NAA11: variants seen among roughly 807,000 people sequenced by gnomAD.
NAA11 encodes the protein N-alpha-acetyltransferase 11.
A neutral mutation model predicts 16.1 loss-of-function variants in NAA11; 15 were observed. The observed-to-expected ratio is 0.93, with a 90% CI of 0.62 to 1.44. NAA11 has a LOEUF of 1.44. Ranked by LOEUF, NAA11 falls within the 40% of genes most tolerant of loss-of-function variation. The pLI, the probability that NAA11 is intolerant of heterozygous loss-of-function variation, is 0.00. For missense variants in NAA11, 298 were observed against 291.3 expected, an observed-to-expected ratio of 1.02 and a Z score of -0.17; for synonymous variants, 122 against 112.4, an observed-to-expected ratio of 1.09 and a Z score of -0.54.
intron 2 of NAA11, among the ~76,000 whole-genome samples, chr4:79,243,958 A>C (rs1164014369): frequency 2.0e-5 from 3 of 152,160 alleles, no homozygotes; most frequent in Admixed American, 6.5e-5. Context: ...TACCCTTGGG[A>C]ATTGAGCATG....
rs1722113513 is a variant in NAA11 at position 79,256,651 on chromosome 4, A to ATATATATATATATATATATATAT, written c.*123-30382_*123-30381insATATATATATATATATATATATA. On this transcript the variant is annotated intron_variant and NMD_transcript_variant, in intron 2 of 2. Coordinates refer to the NAA11 transcript ENST00000511542. The stretch of plus-strand genomic sequence containing the variant: ...AATGAACCATATATATATAAATATA[A>ATATATATATATATATATATATAT]ATATATATATATATATATTGACACG... Among the ~76,000 whole-genome samples the ATATATATATATATATATATATAT allele has an allele frequency of 2.5e-4, 33 of 130,728 alleles. 1 individual carries two copies. The highest frequency in any genetic ancestry group is 1.0e-3 in the African/African-American group (33 of 32,568). 85.8% of individuals were successfully genotyped at this position (130,728 alleles called of 152,430 possible). A position where few individuals can be genotyped will look rare whatever the true frequency, so the allele number is the denominator to read the frequency against.
At chr4:79,314,401 T>C (rs936573745), downstream of NAA11, among the ~76,000 whole-genome samples, 1 of 152,116 alleles carries the variant, frequency 6.6e-6, no homozygotes, top group Non-Finnish European at 1.5e-5. Flanking sequence ...TGATCAGTGA[T>C]TTTCAGATGA....
At chr4:79,323,838 T>C (rs1231959972) in intron 1 of NAA11, among the ~76,000 whole-genome samples, 1 of 149,748 alleles carries the variant, frequency 6.7e-6, no homozygotes, top group East Asian at 2.0e-4. Context: ...GAAAAAAAGA[T>C]ACAAAAATAC....
chr4:79,193,235 C>A, the NAA11 span, among the ~76,000 whole-genome samples: 1 of 152,142 alleles, frequency 6.6e-6, no homozygotes, highest in African/African-American at 2.4e-5. Flanking sequence ...TTAATGAGAT[C>A]CCTTTTGTCA....
chr4:79,209,480 G>T, the NAA11 span, among the ~76,000 whole-genome samples: 5 of 152,208 alleles, frequency 3.3e-5, no homozygotes, highest in East Asian at 9.7e-4. Context: ...GCCCAAAAAA[G>T]TTAATACATC....
At chr4:79,235,402 A>G (rs1231894557) in intron 2 of NAA11, among the ~76,000 whole-genome samples, 1 of 152,134 alleles carries the variant, frequency 6.6e-6, no homozygotes, top group Non-Finnish European at 1.5e-5. Flanking sequence ...AAAGAAAAAA[A>G]AATTCAGAAT....
At chr4:79,323,008 A>C (rs566509773) in intron 1 of NAA11, among the ~76,000 whole-genome samples, 57 of 152,322 alleles carry the variant, frequency 3.7e-4, no homozygotes, top group Non-Finnish European at 6.8e-4. Context: ...ATTTATTCTT[A>C]AATGCTATAT....
At chr4:79,256,029 GC>G (rs1722101721) in intron 2 of NAA11, among the ~76,000 whole-genome samples, 1 of 152,094 alleles carries the variant, frequency 6.6e-6, no homozygotes, top group South Asian at 2.1e-4. Context: ...TTCCACCAGG[GC>G]CCTAATTTAA....
intron 1 of NAA11, among the ~76,000 whole-genome samples, chr4:79,297,435 C>T (rs903971004): frequency 1.3e-5 from 2 of 152,176 alleles, no homozygotes; most frequent in South Asian, 2.1e-4. Context: ...GCGAGAGCTC[C>T]GCCCTCCCAA....
chr4:79,285,397 G>C (rs1722884585), intron 2 of NAA11, among the ~76,000 whole-genome samples: 1 of 151,954 alleles, frequency 6.6e-6, no homozygotes, highest in African/African-American at 2.4e-5. Flanking sequence ...TTCTGATTTA[G>C]AATGCTGTCT....
chr4:79,253,553 A>G (rs1722039457), intron 2 of NAA11, among the ~76,000 whole-genome samples: 1 of 152,140 alleles, frequency 6.6e-6, no homozygotes. Flanking sequence ...GAAAGAAGTG[A>G]TGAGAGAGAG....
rs750537216 is a variant in NAA11 at position 79,254,550 on chromosome 4, T to C, written c.*123-28280A>G. The stretch of plus-strand genomic sequence containing the variant: ...ATAGTATAGAGTCTGAAATACATTG[T>C]GTTTTATGTTTTTAAGTGAATTAAT... On this transcript the variant is annotated intron_variant and NMD_transcript_variant, in intron 2 of 2. Coordinates refer to the NAA11 transcript ENST00000511542. 5.9e-4 allele frequency among the ~76,000 whole-genome samples: 90 copies of C among 152,120 alleles called. 1 individual carries two copies. Among genetic ancestry groups the C allele is most frequent in the Non-Finnish European group, 8.5e-4 (58 of 67,994 alleles).
At chr4:79,284,505 A>T (rs1722865592) in intron 2 of NAA11, among the ~76,000 whole-genome samples, 1 of 152,114 alleles carries the variant, frequency 6.6e-6, no homozygotes. Flanking sequence ...ACCATTAGTC[A>T]TCATAGGTAA....
intron 2 of NAA11, chr4:79,227,140 A>G (rs1721335998): frequency 6.6e-6 from 1 of 152,192 alleles, no homozygotes; most frequent in African/African-American, 2.4e-5. Context: ...GTGAGATGGT[A>G]TCTCATTGTG....
At chr4:79,258,391 C>T (rs915510280) in intron 2 of NAA11, among the ~76,000 whole-genome samples, 8 of 152,262 alleles carry the variant, frequency 5.3e-5, no homozygotes, top group African/African-American at 1.4e-4. Flanking sequence ...TGCCTGCTCC[C>T]GCTGTCTGCC....
chr4:79,161,014 A>T, the NAA11 span, among the ~76,000 whole-genome samples: 4 of 152,178 alleles, frequency 2.6e-5, no homozygotes, highest in Non-Finnish European at 5.9e-5. Context: ...ACCATTGATT[A>T]ATCCAAGATT....
chr4:79,291,048 AAC>A (rs1723069051), intron 2 of NAA11, among the ~76,000 whole-genome samples: 1 of 152,198 alleles, frequency 6.6e-6, no homozygotes, highest in Non-Finnish European at 1.5e-5. Flanking sequence ...GTTTGAAAAA[AAC>A]AGTTTTACTA....
chr4:79,264,591 G>A (rs754058953), intron 2 of NAA11, among the ~76,000 whole-genome samples: 3 of 152,104 alleles, frequency 2.0e-5, no homozygotes, highest in Non-Finnish European at 4.4e-5. Context: ...GCTCACCAGC[G>A]ATCTTCACAC....
At chr4:79,176,582 G>A in the NAA11 span, among the ~76,000 whole-genome samples, 1 of 152,132 alleles carries the variant, frequency 6.6e-6, no homozygotes, top group East Asian at 1.9e-4. Context: ...GATTAGGGAG[G>A]GTAATGCTTT....
Sources: gnomAD v4.1 joint callset for allele counts (sites outside exome capture counted in the v4.1 genomes callset) on GRCh38, gnomAD v4.1.1 for gene constraint, MANE v1.5 for transcripts, NCBI Gene and HGNC (gene_info 2026-07-23, HGNC 2026-07-21) for gene names.